MEIS1: variants seen among roughly 807,000 people sequenced by gnomAD.
The protein encoded by MEIS1 is homeobox protein Meis1.
Under a neutral mutation model 50.8 loss-of-function variants are expected in MEIS1, and 5 were observed. The observed-to-expected ratio is 0.10, with a 90% CI of 0.05 to 0.21. The LOEUF is 0.21. Ranked by LOEUF, MEIS1 falls within the 10% of genes least tolerant of loss-of-function variation. The pLI is 1.00. For missense variants in MEIS1, 318 were observed against 517.3 expected (o/e 0.61, Z 3.74); for synonymous variants, 176 against 179.3 (o/e 0.98, Z 0.15).
chr2:66,491,229 T>G (rs751137638), intron 7 of MEIS1, among the ~76,000 whole-genome samples: 3 of 152,188 alleles, frequency 2.0e-5, no homozygotes, highest in African/African-American at 7.2e-5. Flanking sequence ...GCCCCCACAA[T>G]AGGTCAAAAG....
chr2:66,532,199 G>A (rs139241071), intron 8 of MEIS1, among the ~76,000 whole-genome samples: 19 of 152,142 alleles, frequency 1.2e-4, no homozygotes, highest in African/African-American at 4.6e-4. Flanking sequence ...TACTTGCTGT[G>A]ATTTATTTTT....
intron 8 of MEIS1, among the ~76,000 whole-genome samples, chr2:66,547,673 T>C (rs1459460790): frequency 6.6e-6 from 1 of 152,194 alleles, no homozygotes; most frequent in East Asian, 1.9e-4. Context: ...CATACTAAAC[T>C]TTCTGTGTTT....
chr2:66,487,162 T>C (rs1045960738), intron 7 of MEIS1, among the ~76,000 whole-genome samples: 2 of 152,340 alleles, frequency 1.3e-5, no homozygotes, highest in African/African-American at 4.8e-5. Flanking sequence ...AGGGCATCCT[T>C]GAAAAATAGG....
intron 7 of MEIS1, among the ~76,000 whole-genome samples, chr2:66,490,423 G>C (rs1368121108): frequency 6.6e-6 from 1 of 151,932 alleles, no homozygotes; most frequent in East Asian, 1.9e-4. Flanking sequence ...TTTGGGGAAG[G>C]GGCCAAAAAA....
chr2:66,532,168 CA>C (rs1321011282), intron 8 of MEIS1, among the ~76,000 whole-genome samples: 2 of 151,966 alleles, frequency 1.3e-5, no homozygotes, highest in East Asian at 3.9e-4. Flanking sequence ...TGAAGAAATC[CA>C]ACAAGAATTA....
intron 7 of MEIS1, among the ~76,000 whole-genome samples, chr2:66,472,765 C>A (rs992229758): frequency 1.3e-5 from 2 of 152,080 alleles, no homozygotes; most frequent in Admixed American, 1.3e-4. Context: ...GGACTTGGCT[C>A]CAGAGCCCAC....
intron 7 of MEIS1, among the ~76,000 whole-genome samples, chr2:66,488,884 G>C (rs562319012): frequency 6.6e-6 from 1 of 152,256 alleles, no homozygotes; most frequent in Admixed American, 6.5e-5. Context: ...CATTAAAAGC[G>C]GGGAGGTAAA....
intron 6 of MEIS1, among the ~76,000 whole-genome samples, chr2:66,451,736 A>G (rs930064624): frequency 3.9e-5 from 6 of 152,024 alleles, no homozygotes; most frequent in African/African-American, 1.4e-4. Flanking sequence ...CTAAAGGCAT[A>G]CTTACACTAT....
At chr2:66,493,818 A>T (rs1194786983) in intron 7 of MEIS1, among the ~76,000 whole-genome samples, 1 of 152,182 alleles carries the variant, frequency 6.6e-6, no homozygotes, top group African/African-American at 2.4e-5. Context: ...AAAAGATGTT[A>T]TTCATTACAT....
At position 66,444,312 on chromosome 2, in the gene MEIS1, C is replaced by G. The variant is rs564514285; in HGVS notation, c.630+1264C>G. On this transcript the variant is annotated intron_variant, in intron 6 of 12. Transcript: ENST00000272369. ...TACTCTGCAAGCTCTGCCATGATCT[C>G]TGTTGGCCAGTGGCTGTCTTGTACA... 5.9e-5 allele frequency among the ~76,000 whole-genome samples: 9 copies of G among 152,300 alleles called. No individual in the cohort carries two copies. The East Asian group carries it at 1.7e-3, about 29-fold the overall frequency.
intron 6 of MEIS1, among the ~76,000 whole-genome samples, chr2:66,458,204 T>G (rs990871603): frequency 6.6e-6 from 1 of 152,202 alleles, no homozygotes; most frequent in Non-Finnish European, 1.5e-5. Context: ...ATCATACTGA[T>G]GTGGTGAATG....
At chr2:66,533,967 ATTTTATGTAT>A (rs1230820742) in intron 8 of MEIS1, among the ~76,000 whole-genome samples, 1 of 152,202 alleles carries the variant, frequency 6.6e-6, no homozygotes, top group Admixed American at 6.5e-5. Flanking sequence ...AACTGTATGC[ATTTTATGTAT>A]TTTTACATAG....
rs556747739 is a variant in MEIS1 at position 66,448,303 on chromosome 2, T to C, written c.630+5255T>C. Among the ~76,000 whole-genome samples the C allele has an allele frequency of 4.6e-5, 7 of 152,258 alleles. No individual in the cohort carries two copies. The South Asian group carries it at 1.5e-3, about 32-fold the overall frequency. The stretch of plus-strand genomic sequence containing the variant: ...AAATGTTTGTCATAGTCCCAAAAGA[T>C]TTAAAACACAGCTGTGGCTGGGTGA... On this transcript the variant is annotated intron_variant, in intron 6 of 12. Coordinates refer to ENST00000272369, the MANE Select transcript of MEIS1 (RefSeq NM_002398.3).
intron 3 of MEIS1, 134 bp downstream of exon 3, chr2:66,440,118 C>A: frequency 4.8e-6 from 4 of 841,372 alleles, no homozygotes; most frequent in Non-Finnish European, 7.0e-6. Context: ...GTAGCCAGCA[C>A]GTAGTCGGCC....
chr2:66,485,464 A>G (rs1673120263), intron 7 of MEIS1, among the ~76,000 whole-genome samples: 1 of 152,160 alleles, frequency 6.6e-6, no homozygotes, highest in Non-Finnish European at 1.5e-5. Context: ...ATAGTATTCC[A>G]TGGTGTGTAT....
chr2:66,453,635 A>C (rs1672325347), intron 6 of MEIS1, among the ~76,000 whole-genome samples: 1 of 152,020 alleles, frequency 6.6e-6, no homozygotes, highest in Non-Finnish European at 1.5e-5. Flanking sequence ...AATGAGAGAC[A>C]CTTAAAACAC....
chr2:66,522,090 C>T (rs1252418974), intron 8 of MEIS1, among the ~76,000 whole-genome samples: 2 of 152,188 alleles, frequency 1.3e-5, no homozygotes, highest in African/African-American at 2.4e-5. Context: ...TAATACTGTA[C>T]GAACTTGATT....
At position 66,559,001 on chromosome 2, in the gene MEIS1, G is replaced by C. The variant is rs933517257; in HGVS notation, c.966-8452G>C. ...TACTAAAAATATAAAAATTAGCTGG[G>C]CATGTTGGTGGGTGCCTATAATCTC... is the stretch of plus-strand genomic sequence containing the variant. On this transcript the variant is annotated intron_variant, in intron 9 of 12. Coordinates refer to ENST00000272369, the MANE Select transcript of MEIS1 (RefSeq NM_002398.3). 2.0e-5 allele frequency among the ~76,000 whole-genome samples: 3 copies of C among 152,130 alleles called. No homozygotes were observed. In the East Asian group the frequency reaches 5.8e-4, roughly 30 times the overall value.
intron 6 of MEIS1, among the ~76,000 whole-genome samples, chr2:66,460,763 G>C (rs559085563): frequency 3.3e-5 from 5 of 151,918 alleles, no homozygotes; most frequent in Non-Finnish European, 7.4e-5. Context: ...TGTTGTTGTT[G>C]TTGTTCTTGT....
Sources: allele counts gnomAD v4.1 joint callset (sites outside exome capture counted in the v4.1 genomes callset), GRCh38; gene constraint gnomAD v4.1.1; transcripts MANE v1.5; gene names NCBI Gene and HGNC (gene_info 2026-07-23, HGNC 2026-07-21).